The following DLGAP1 variants were observed in gnomAD, a reference collection of about 807,000 sequenced individuals.
DLGAP1 encodes the protein DLG associated protein 1, also known as disks large-associated protein 1.
A neutral mutation model predicts 90.8 loss-of-function variants in DLGAP1; 11 were observed. That is an observed-to-expected ratio of 0.12 (90% CI 0.08 to 0.20). DLGAP1 has a LOEUF of 0.20. Among genes scored for constraint, DLGAP1 ranks in the 10% least tolerant of loss-of-function variants. The probability of loss-of-function intolerance (pLI) is 1.00; values close to 1 mark genes in which losing one functional copy is unlikely to be tolerated. For synonymous variants in DLGAP1, 558 were observed against 540.7 expected (o/e 1.03, Z -0.44); for missense variants, 1,050 against 1,333.8 (o/e 0.79, Z 3.31).
chr18:3,502,239 T>G (rs773836715), intron 12 of DLGAP1: 20 of 1,353,286 alleles, frequency 1.5e-5, no homozygotes, highest in Non-Finnish European at 1.9e-5. Context: ...AACTTAAAGT[T>G]TAATTAACAA....
intron 3 of DLGAP1, among the ~76,000 whole-genome samples, chr18:3,924,187 C>T (rs1361292909): frequency 6.6e-6 from 1 of 152,232 alleles, no homozygotes; most frequent in East Asian, 1.9e-4. Context: ...ATATTAGCTA[C>T]ATCGCCATAG....
chr18:3,803,957 C>CATATATATATATAT (rs33952757), intron 5 of DLGAP1, among the ~76,000 whole-genome samples: 1 of 83,972 alleles, frequency 1.2e-5, no homozygotes. Context: ...TATGTAGGTT[C>CATATATATATATAT]ATATATATAT....
At chr18:4,386,233 G>T (rs774627432) in intron 1 of DLGAP1, among the ~76,000 whole-genome samples, 1 of 152,048 alleles carries the variant, frequency 6.6e-6, no homozygotes, top group Non-Finnish European at 1.5e-5. Flanking sequence ...TCAGAATGCC[G>T]ACCAGATCGA....
intron 3 of DLGAP1, among the ~76,000 whole-genome samples, chr18:3,939,416 C>CAAAAA (rs10591716): frequency 1.3e-4 from 11 of 82,132 alleles, no homozygotes; most frequent in Non-Finnish European, 1.8e-4. Context: ...GATTCTGTCT[C>CAAAAA]AAAAAAAAAA....
At chr18:3,578,385 T>C (rs1714648130) in intron 8 of DLGAP1, among the ~76,000 whole-genome samples, 1 of 149,384 alleles carries the variant, frequency 6.7e-6, no homozygotes, top group Admixed American at 6.7e-5. Flanking sequence ...TGAGATGGAG[T>C]CTTACTCTGT....
chr18:4,349,933 T>C (rs2081373056), intron 1 of DLGAP1, among the ~76,000 whole-genome samples: 1 of 152,178 alleles, frequency 6.6e-6, no homozygotes. Flanking sequence ...TTTTAATTAG[T>C]GGAGAATTAT....
At chr18:3,749,260 C>T (rs1412845013) in intron 5 of DLGAP1, among the ~76,000 whole-genome samples, 5 of 151,480 alleles carry the variant, frequency 3.3e-5, no homozygotes, top group Middle Eastern at 3.4e-3. Context: ...AGTGATTCTC[C>T]GCCTCAGCCT....
At chr18:3,855,552 G>A (rs2069588039) in intron 4 of DLGAP1, among the ~76,000 whole-genome samples, 1 of 152,086 alleles carries the variant, frequency 6.6e-6, no homozygotes, top group South Asian at 2.1e-4. Context: ...GAGTAATTAG[G>A]TATATTTCCT....
At chr18:4,025,432 A>G (rs1203750007) in intron 2 of DLGAP1, among the ~76,000 whole-genome samples, 2 of 152,134 alleles carry the variant, frequency 1.3e-5, no homozygotes, top group East Asian at 3.9e-4. Flanking sequence ...AACCCAAAAA[A>G]ATCTGAAATC....
At chr18:3,973,920 C>G (rs1356839628) in intron 3 of DLGAP1, among the ~76,000 whole-genome samples, 4 of 152,164 alleles carry the variant, frequency 2.6e-5, no homozygotes, top group Non-Finnish European at 4.4e-5. Context: ...GCATAGCCTA[C>G]CACACTCTCA....
At chr18:4,426,680 A>T (rs2083165333) in intron 1 of DLGAP1, among the ~76,000 whole-genome samples, 1 of 152,244 alleles carries the variant, frequency 6.6e-6, no homozygotes, top group Non-Finnish European at 1.5e-5. Flanking sequence ...TCTAAGAGGT[A>T]AGTGAAAATA....
chr18:3,612,144 C>T (rs927006343), intron 7 of DLGAP1, among the ~76,000 whole-genome samples: 1 of 152,204 alleles, frequency 6.6e-6, no homozygotes, highest in Middle Eastern at 3.4e-3. Flanking sequence ...TTGATTGAGC[C>T]CAGGAGTTTG....
At chr18:4,162,906 CAG>C (rs1029676493) in intron 1 of DLGAP1, among the ~76,000 whole-genome samples, 7 of 139,564 alleles carry the variant, frequency 5.0e-5, no homozygotes, top group African/African-American at 9.1e-5. Flanking sequence ...CTGAAATAAT[CAG>C]AGTTTTTTTT....
chr18:4,097,853 A>G (rs187482928), intron 2 of DLGAP1, among the ~76,000 whole-genome samples: 112 of 152,376 alleles, frequency 7.4e-4, no homozygotes, highest in African/African-American at 2.5e-3. Flanking sequence ...CGAAGGAGGA[A>G]GTTGATACTA....
chr18:3,578,655 ATT>A (rs35788121), intron 8 of DLGAP1, among the ~76,000 whole-genome samples: 4,521 of 148,996 alleles, frequency 0.03, 95 homozygotes, highest in African/African-American at 0.047. Flanking sequence ...GCACCCGGCC[ATT>A]TTTTTTTTTT....
At chr18:3,841,996 G>A (rs1208192458) in intron 4 of DLGAP1, among the ~76,000 whole-genome samples, 1 of 152,038 alleles carries the variant, frequency 6.6e-6, no homozygotes, top group East Asian at 1.9e-4. Flanking sequence ...AGCATATTGG[G>A]AGAGGATACC....
intron 3 of DLGAP1, among the ~76,000 whole-genome samples, chr18:3,903,091 C>T (rs912334159): frequency 2.0e-5 from 3 of 152,150 alleles, no homozygotes; most frequent in Non-Finnish European, 2.9e-5. Context: ...TTCAATTGCA[C>T]GCTCTTGGAA....
chr18:4,103,750 G>A (rs1249437782), intron 2 of DLGAP1, among the ~76,000 whole-genome samples: 1 of 151,940 alleles, frequency 6.6e-6, no homozygotes, highest in Non-Finnish European at 1.5e-5. Flanking sequence ...TTTGTCTATT[G>A]TTTGCTATTT....
intron 4 of DLGAP1, among the ~76,000 whole-genome samples, chr18:3,873,312 G>A (rs2070866571): frequency 6.6e-6 from 1 of 152,134 alleles, no homozygotes; most frequent in South Asian, 2.1e-4. Context: ...ATGAAGAGGG[G>A]CATCTCTACC....
Sources: allele counts gnomAD v4.1 joint callset (sites outside exome capture counted in the v4.1 genomes callset), GRCh38; gene constraint gnomAD v4.1.1; transcripts MANE v1.5; gene names NCBI Gene and HGNC (gene_info 2026-07-23, HGNC 2026-07-21).